ARHGAP6: variants seen among roughly 807,000 people sequenced by gnomAD.
ARHGAP6 encodes Rho GTPase activating protein 6.
In ARHGAP6, 16 loss-of-function variants were observed where a neutral mutation model predicts 55.7. That is an observed-to-expected ratio of 0.29 (90% confidence interval 0.19 to 0.44). The LOEUF (loss-of-function observed/expected upper bound fraction) is 0.44. Ranked by LOEUF, ARHGAP6 falls within the 20% of genes least tolerant of loss-of-function variation. The pLI is 1.00. For missense variants in ARHGAP6, 698 were observed against 808.9 expected (o/e 0.86, Z 1.66); for synonymous variants, 382 against 360.9 (o/e 1.06, Z -0.66).
intron 2 of ARHGAP6, among the ~76,000 whole-genome samples, chrX:11,245,232 G>A (rs751727874): frequency 4.1e-4 from 46 of 111,913 alleles, no homozygotes; most frequent in Middle Eastern, 4.6e-3. Flanking sequence ...GGAACTACTC[G>A]ATGATAGGAA....
At chrX:11,405,534 T>G (rs1569331663) in intron 1 of ARHGAP6, among the ~76,000 whole-genome samples, 1 of 112,104 alleles carries the variant, frequency 8.9e-6, no homozygotes, top group African/African-American at 3.2e-5. Flanking sequence ...TGTATGATTA[T>G]TACATATCCA....
chrX:11,425,036 G>A (rs1569339381), intron 1 of ARHGAP6, among the ~76,000 whole-genome samples: 1 of 111,947 alleles, frequency 8.9e-6, no homozygotes, highest in Non-Finnish European at 1.9e-5. Flanking sequence ...CAAATACCTG[G>A]AACACAACAG....
In ARHGAP6 at chrX:11,139,340, C is replaced by T. The variant is rs760665247; in HGVS notation, c.2448G>A (p.Ser816=). The T allele has an allele frequency of 3.4e-6, 4 of 1,179,049 alleles. No homozygotes were observed. The highest frequency in any genetic ancestry group is 4.5e-6 in the Non-Finnish European group (4 of 880,637). ...ATEGRAHPAV[S]RACSTPHVQV... Reference sequence around the variant, plus strand: ...GGACGTGGGGCGTGCTGCAGGCGCGCGACACCGCAGGGTGGGCCCTGCCCT... The same window carrying T: ...GGACGTGGGGCGTGCTGCAGGCGCGTGACACCGCAGGGTGGGCCCTGCCCT... Residue 816 remains serine (S), a synonymous_variant, in exon 13 of 13, where the codon TCG becomes TCA. Transcript: ENST00000337414.
chrX:11,445,687 G>A (rs2050085688), intron 1 of ARHGAP6, among the ~76,000 whole-genome samples: 1 of 111,667 alleles, frequency 9.0e-6, no homozygotes, highest in African/African-American at 3.3e-5. Flanking sequence ...AGAGGACATT[G>A]GGCAATGTGT....
intron 1 of ARHGAP6, chrX:11,351,398 C>T (rs2048862112): frequency 1.0e-6 from 1 of 968,166 alleles, no homozygotes; most frequent in Non-Finnish European, 1.3e-6. Context: ...ATATCCTGTA[C>T]ATGAGAACAG....
chrX:11,461,093 G>A, intron 1 of ARHGAP6, among the ~76,000 whole-genome samples: 1 of 111,961 alleles, frequency 8.9e-6, no homozygotes, highest in East Asian at 2.8e-4. Context: ...GAGCTGGAGG[G>A]TCATTTACTT....
chrX:11,359,337 C>T (rs753545543), intron 1 of ARHGAP6, among the ~76,000 whole-genome samples: 2 of 111,917 alleles, frequency 1.8e-5, no homozygotes, highest in South Asian at 7.4e-4. Context: ...CAGGAACACA[C>T]AATTATTCAG....
intron 1 of ARHGAP6, among the ~76,000 whole-genome samples, chrX:11,483,769 T>C (rs141231892): frequency 0.015 from 1,708 of 111,897 alleles, 31 homozygotes; most frequent in African/African-American, 0.052. Context: ...AATTGGATGT[T>C]GTAATAGAAA....
At chrX:11,415,621 A>C (rs1032439677) in intron 1 of ARHGAP6, among the ~76,000 whole-genome samples, 2 of 112,005 alleles carry the variant, frequency 1.8e-5, no homozygotes, top group Non-Finnish European at 3.8e-5. Context: ...GCATTTCCCC[A>C]CACACTGAAG....
rs868588922 is a variant in ARHGAP6 at position 11,354,301 on chromosome X, C to T, written c.589-99594G>A. On this transcript the variant is annotated intron_variant, in intron 1 of 12. Coordinates refer to ENST00000337414, the MANE Select transcript of ARHGAP6 (RefSeq NM_013427.3). ...TCTCTCTCTCTCTCTCTCTTTCTCT[C>T]TCTCTCTCTCTCTCTCTCTCTCTCT... 3.0e-3 allele frequency among the ~76,000 whole-genome samples: 130 copies of T among 43,584 alleles called. 1 individual carries two copies. Among genetic ancestry groups the T allele is most frequent in the Middle Eastern group, 0.011 (1 of 90 alleles). 37.8% of individuals were successfully genotyped at this position (43,584 alleles called of 115,157 possible).
intron 1 of ARHGAP6, among the ~76,000 whole-genome samples, chrX:11,590,862 A>AAGGAAGGAAAG (rs771474695): frequency 4.9e-5 from 1 of 20,220 alleles, no homozygotes; most frequent in Non-Finnish European, 7.4e-5. Flanking sequence ...AAAAGAAAAG[A>AAGGAAGGAAAG]AAAGAAGGAA....
At chrX:11,232,196 G>A (rs1472124610) in intron 2 of ARHGAP6, among the ~76,000 whole-genome samples, 1 of 111,779 alleles carries the variant, frequency 8.9e-6, no homozygotes, top group African/African-American at 3.3e-5. Flanking sequence ...CTCTCTAACT[G>A]TATGTTTGTA....
chrX:11,187,445 A>C (rs2046400045), intron 4 of ARHGAP6, among the ~76,000 whole-genome samples: 2 of 111,718 alleles, frequency 1.8e-5, no homozygotes, highest in Non-Finnish European at 3.8e-5. Context: ...AGAAAGCTAA[A>C]ATTTAGAGTT....
intron 1 of ARHGAP6, among the ~76,000 whole-genome samples, chrX:11,590,457 A>G (rs2051791845): frequency 1.2e-5 from 1 of 82,752 alleles, no homozygotes; most frequent in African/African-American, 5.6e-5. Flanking sequence ...GAATTATTAA[A>G]CAAAAAAAAA....
At chrX:11,402,811 G>C (rs2049566256) in intron 1 of ARHGAP6, among the ~76,000 whole-genome samples, 1 of 111,769 alleles carries the variant, frequency 8.9e-6, no homozygotes, top group Non-Finnish European at 1.9e-5. Flanking sequence ...GAGCGTAGGA[G>C]GATGCCTAGG....
intron 1 of ARHGAP6, among the ~76,000 whole-genome samples, chrX:11,363,494 G>A (rs755895389): frequency 5.4e-5 from 6 of 111,780 alleles, no homozygotes; most frequent in Non-Finnish European, 1.1e-4. Flanking sequence ...GGTGGTCTGC[G>A]CGGTCTGCTT....
intron 1 of ARHGAP6, among the ~76,000 whole-genome samples, chrX:11,424,934 T>A (rs2049863092): frequency 8.9e-6 from 1 of 112,646 alleles, no homozygotes; most frequent in Non-Finnish European, 1.9e-5. Flanking sequence ...TTTTGCTCTC[T>A]GTGACCATTA....
intron 1 of ARHGAP6, among the ~76,000 whole-genome samples, chrX:11,538,960 T>G (rs1387546266): frequency 3.6e-5 from 4 of 109,747 alleles, no homozygotes; most frequent in African/African-American, 1.3e-4. Flanking sequence ...GTTCAAGGGA[T>G]TCTCACGTCT....
intron 1 of ARHGAP6, among the ~76,000 whole-genome samples, chrX:11,592,133 A>G (rs1305610563): frequency 8.9e-6 from 1 of 112,159 alleles, no homozygotes; most frequent in Non-Finnish European, 1.9e-5. Context: ...GAGAGGGTTA[A>G]CTATGGCTCC....
Sources: allele counts gnomAD v4.1 joint callset (sites outside exome capture counted in the v4.1 genomes callset), GRCh38; gene constraint gnomAD v4.1.1; transcripts MANE v1.5; gene names NCBI Gene and HGNC (gene_info 2026-07-23, HGNC 2026-07-21).